Variants in SUPT20H observed in about 807,000 individuals in gnomAD.
SUPT20H encodes transcription factor SPT20 homolog.
SUPT20H carries 82 observed loss-of-function variants against 122.8 expected under a neutral mutation model. The ratio of observed to expected loss-of-function variants is 0.67; its 90% CI spans 0.56 to 0.80. The LOEUF (loss-of-function observed/expected upper bound fraction) is 0.80. SUPT20H is among the 30% of genes least tolerant of loss of function. The probability of loss-of-function intolerance (pLI) is 0.00; values close to 1 mark genes in which losing one functional copy is unlikely to be tolerated. For synonymous variants in SUPT20H, 291 were observed against 313.0 expected (o/e 0.93, Z 0.74); for missense variants, 831 against 921.6 (o/e 0.90, Z 1.27).
At chr13:37,028,653 A>G (rs2062750961) in intron 13 of SUPT20H, among the ~76,000 whole-genome samples, 1 of 152,092 alleles carries the variant, frequency 6.6e-6, no homozygotes, top group Non-Finnish European at 1.5e-5. Context: ...TCAGCACTCT[A>G]CAGGGACTGA....
At chr13:37,052,655 T>C (rs545966848) in intron 1 of SUPT20H, among the ~76,000 whole-genome samples, 10 of 152,222 alleles carry the variant, frequency 6.6e-5, no homozygotes, top group Admixed American at 1.3e-4. Flanking sequence ...CCAAAAGCAA[T>C]TGCAACAAAA....
intron 12 of SUPT20H, 46 bp from the exon 13 acceptor site, chr13:37,029,882 C>A: frequency 7.0e-7 from 1 of 1,428,184 alleles, no homozygotes; most frequent in Non-Finnish European, 9.6e-7. Flanking sequence ...GAATCCATAT[C>A]AGATAAAATG....
chr13:37,017,360 G>A lies in SUPT20H; in HGVS notation c.1877C>T (p.Pro626Leu). ...SLRPLNLLQL[P>L]GGSLIFNTLQ... Reference sequence around the variant, plus strand: ...AGTGTTAAAAATAAGTGAACCACCTGGAAGCTATTAAGAATTTAAACAAAA... The same window carrying A: ...AGTGTTAAAAATAAGTGAACCACCTAGAAGCTATTAAGAATTTAAACAAAA... Residue 626 changes from proline (P) to leucine (L), a missense_variant, in exon 23 of 26, where the codon CCA becomes CTA. By Grantham distance (98) the Pro-to-Leu change is moderately conservative (BLOSUM62 -3). Coordinates refer to ENST00000350612, the MANE Select transcript of SUPT20H (RefSeq NM_001014286.3). 6.2e-7 allele frequency: 1 copy of A among 1,608,396 alleles called. No individual in the cohort carries two copies. Among genetic ancestry groups the A allele is most frequent in the Non-Finnish European group, 8.5e-7 (1 of 1,178,342 alleles).
Position 37,029,766 on chromosome 13 carries a change from T to C in SUPT20H, c.992A>G (p.His331Arg), listed in dbSNP as rs2062976410. 1.9e-6 allele frequency: 3 copies of C among 1,595,676 alleles called. No individual in the cohort carries two copies. The highest frequency in any genetic ancestry group is 2.6e-6 in the Non-Finnish European group (3 of 1,172,866). ...DDSQPTVWPAHDVKDDYVFEC... is the reference protein window; with the variant it reads ...DDSQPTVWPARDVKDDYVFEC... ...CAGAGACAGGCAATGATTTCTTACA[T>C]GGGCTGGCCAGACTGTTGGCTGTGA... The change falls in exon 13 of 26, where the codon CAT becomes CGT. Residue 331 changes from histidine to arginine, a missense_variant and splice_region_variant. Coordinates refer to ENST00000350612, the MANE Select transcript of SUPT20H (RefSeq NM_001014286.3).
chr13:37,024,607 ATATG>A lies in SUPT20H; in HGVS notation c.1330-169_1330-166del, dbSNP rs149208551. On this transcript the variant is annotated intron_variant, in intron 17 of 25. Transcript: ENST00000350612. ...TCTTAGTGGTTACAGATTGAATACTATATGTATTACAGAGAAAATTTCACATGAG... is the reference window on the plus strand; with the variant it reads ...TCTTAGTGGTTACAGATTGAATACTATATTACAGAGAAAATTTCACATGAG... 1,779 of 428,302 alleles carry A rather than the reference ATATG, an allele frequency of 4.2e-3. 47 individuals carry two copies. In the East Asian group the frequency reaches 0.058, roughly 14 times the overall value. The allele number at this position is 428,302 out of a possible 1,614,324, so 26.5% of individuals were successfully genotyped here.
At chr13:37,027,413 G>A (rs896223514) in intron 14 of SUPT20H, among the ~76,000 whole-genome samples, 8 of 151,892 alleles carry the variant, frequency 5.3e-5, no homozygotes, top group African/African-American at 1.9e-4. Flanking sequence ...AGGATTCCCT[G>A]TTATTTCCTT....
chr13:37,038,492 A>C (rs1396087798), intron 9 of SUPT20H: 1 of 152,166 alleles, frequency 6.6e-6, no homozygotes, highest in Non-Finnish European at 1.5e-5. Context: ...AATAGCTTTT[A>C]ATCTTTTTGT....
intron 5 of SUPT20H, among the ~76,000 whole-genome samples, chr13:37,046,313 T>C (rs768092782): frequency 6.6e-6 from 1 of 152,160 alleles, no homozygotes; most frequent in Non-Finnish European, 1.5e-5. Context: ...AAAACCCTCA[T>C]AATTTGACTT....
chr13:37,024,241 G>A, intron 18 of SUPT20H, 48 bp from the exon 19 acceptor site: 1 of 1,557,544 alleles, frequency 6.4e-7, no homozygotes, highest in Non-Finnish European at 8.7e-7. Flanking sequence ...TCAAACTTCT[G>A]TGAACTGTAG....
chr13:37,025,228 C>T, intron 17 of SUPT20H, 92 bp downstream of exon 17: 1 of 1,101,300 alleles, frequency 9.1e-7, no homozygotes, highest in South Asian at 1.2e-5. Context: ...AGGCATGAGC[C>T]ACTGTGCCTA....
intron 19 of SUPT20H, chr13:37,023,118 T>C (rs2061644544): frequency 8.3e-7 from 1 of 1,202,516 alleles, no homozygotes; most frequent in Admixed American, 2.9e-5. Context: ...AACAACTGTG[T>C]GCAGTAGATT....
Position 37,022,179 on chromosome 13 carries a change from G to C in SUPT20H, c.1592-99C>G, listed in dbSNP as rs1275032763. The stretch of plus-strand genomic sequence containing the variant: ...CTGCTGAGCAAACTGAGTTAACAAA[G>C]TGGGCTGAGGGGTGAAGCCTGAATC... On this transcript the variant is annotated intron_variant, in intron 19 of 25. Transcript: ENST00000350612. This position sits in a 1 kb window ranked among gnomAD's most constrained non-coding sequence, Gnocchi z 4.5. The C allele has an allele frequency of 6.2e-7, 1 of 1,612,388 alleles. No individual in the cohort carries two copies. The highest frequency in any genetic ancestry group is 8.5e-7 in the Non-Finnish European group (1 of 1,179,120).
chr13:37,048,171 C>T (rs2139040642), intron 3 of SUPT20H, among the ~76,000 whole-genome samples: 2 of 152,274 alleles, frequency 1.3e-5, no homozygotes, highest in South Asian at 4.1e-4. Flanking sequence ...CATAGTTTCA[C>T]AACCATGACT....
intron 1 of SUPT20H, among the ~76,000 whole-genome samples, chr13:37,058,823 G>A (rs1227150478): frequency 6.6e-6 from 1 of 152,126 alleles, no homozygotes; most frequent in Non-Finnish European, 1.5e-5. Flanking sequence ...ATTAAAAAAA[G>A]GACCCAATTC....
chr13:37,017,412 T>C (rs1441226717), intron 22 of SUPT20H, 48 bp from the exon 23 acceptor site: 2 of 1,523,318 alleles, frequency 1.3e-6, no homozygotes, highest in Admixed American at 2.0e-5. Context: ...TGATTTTATA[T>C]CAAATATTTA....
At chr13:37,020,459 CT>C (rs2061321435) in intron 21 of SUPT20H, among the ~76,000 whole-genome samples, 1 of 152,098 alleles carries the variant, frequency 6.6e-6, no homozygotes, top group South Asian at 2.1e-4. Flanking sequence ...GCAAACTGAA[CT>C]GAGGATAAGG....
chr13:37,013,403 T>C (rs560102484), intron 23 of SUPT20H: 3 of 151,818 alleles, frequency 2.0e-5, no homozygotes, highest in Non-Finnish European at 2.9e-5. Context: ...ACAAATGGTA[T>C]TGAAACAATT....
rs1207669821 is a variant in SUPT20H, at chr13:37,021,566, C to T, written c.1698G>A (p.Met566Ile). The change falls in exon 21 of 26, where the codon ATG becomes ATA. Residue 566 changes from methionine (M) to isoleucine (I), a missense_variant. By Grantham distance (10) the Met-to-Ile change is conservative. Coordinates refer to ENST00000350612, the MANE Select transcript of SUPT20H (RefSeq NM_001014286.3). ...AQALMSGSNP[M>I]LGCNTGAITP... is the part of the protein sequence containing the mutation. ...TTATGGCACCAGTGTTACAGCCCAG[C>T]ATGGGGTTTGAACCACTCATCAAAG... The T allele has an allele frequency of 6.2e-7, 1 of 1,613,384 alleles. No individual in the cohort carries two copies. The highest frequency in any genetic ancestry group is 8.5e-7 in the Non-Finnish European group (1 of 1,179,918).
At chr13:37,055,431 G>A (rs1436440852) in intron 1 of SUPT20H, among the ~76,000 whole-genome samples, 1 of 152,072 alleles carries the variant, frequency 6.6e-6, no homozygotes, top group African/African-American at 2.4e-5. Flanking sequence ...ATAGACCAAT[G>A]GAACAGAACA....
Sources: allele counts gnomAD v4.1 joint callset (sites outside exome capture counted in the v4.1 genomes callset), GRCh38; gene constraint gnomAD v4.1.1; non-coding constraint Gnocchi (gnomAD v3.1); transcripts MANE v1.5; gene names NCBI Gene and HGNC (gene_info 2026-07-23, HGNC 2026-07-21).